Variants in SOX5 observed in about 807,000 individuals in gnomAD.
SOX5 encodes the protein SRY-box transcription factor 5, also known as transcription factor SOX-5.
A neutral mutation model predicts 92.0 loss-of-function variants in SOX5; 9 were observed. The observed-to-expected ratio is 0.10, with a 90% CI of 0.06 to 0.17. SOX5 has a LOEUF of 0.17. Ranked by LOEUF, SOX5 falls within the 10% of genes least tolerant of loss-of-function variation. The pLI is 1.00. For synonymous variants in SOX5, 344 were observed against 336.3 expected, an observed-to-expected ratio of 1.02 and a Z score of -0.25; for missense variants, 642 against 944.5, an observed-to-expected ratio of 0.68 and a Z score of 4.20.
chr12:24,070,168 G>A (rs1384820255), intron 4 of SOX5, among the ~76,000 whole-genome samples: 2 of 152,138 alleles, frequency 1.3e-5, no homozygotes, highest in Non-Finnish European at 2.9e-5. Context: ...AACAAAAGAT[G>A]CCTTTCTTTA....
chr12:24,096,198 G>A lies in SOX5; in HGVS notation c.-2+117145C>T, dbSNP rs565921388. Among the ~76,000 whole-genome samples, 7 of 152,156 alleles carry A rather than the reference G, an allele frequency of 4.6e-5. No individual in the cohort carries two copies. In the South Asian group the frequency reaches 6.2e-4, roughly 14 times the overall value. On this transcript the variant is annotated intron_variant, in intron 4 of 4. Coordinates refer to the SOX5 transcript ENST00000446891. ...TTTGTTATATAGGTATACATGTACC[G>A]TGGTGGTTTGCTGCACCCATCAACC... is the stretch of plus-strand genomic sequence containing the variant.
chr12:23,663,581 A>G (rs545240935), intron 7 of SOX5, among the ~76,000 whole-genome samples: 11 of 152,128 alleles, frequency 7.2e-5, no homozygotes, highest in Non-Finnish European at 1.3e-4. Flanking sequence ...ACTAGTCTAT[A>G]TGTATATATT....
chr12:24,292,477 T>C (rs936860514), intron 2 of SOX5, among the ~76,000 whole-genome samples: 2 of 152,234 alleles, frequency 1.3e-5, no homozygotes, highest in Admixed American at 1.3e-4. Context: ...ACATTACACT[T>C]ATGTACCTGC....
rs1367264218 is a variant in SOX5 at position 24,283,761 on chromosome 12, G to T, written c.-173-6449C>A. Among the ~76,000 whole-genome samples the T allele has an allele frequency of 2.0e-5, 3 of 151,984 alleles. No individual in the cohort carries two copies. The East Asian group carries it at 5.8e-4, about 29-fold the overall frequency. On this transcript the variant is annotated intron_variant, in intron 2 of 4. Coordinates refer to the SOX5 transcript ENST00000446891. Reference sequence around the variant, plus strand: ...TTGTGGCTGTGTATATAAAAGCTTGGGTATGTTTTTTCTTATTATTAACTA... The same window carrying T: ...TTGTGGCTGTGTATATAAAAGCTTGTGTATGTTTTTTCTTATTATTAACTA...
chr12:24,268,015 TGGATCA>T (rs1943236905), intron 3 of SOX5, among the ~76,000 whole-genome samples: 2 of 152,212 alleles, frequency 1.3e-5, no homozygotes, highest in South Asian at 4.1e-4. Flanking sequence ...CTGCCTCAAG[TGGATCA>T]GTATTGGCTA....
intron 4 of SOX5, among the ~76,000 whole-genome samples, chr12:24,055,577 G>C (rs76326813): frequency 0.014 from 2,166 of 152,222 alleles, 40 homozygotes; most frequent in African/African-American, 0.05. Context: ...TTGACCAATA[G>C]GTCTTGCTCT....
At chr12:23,951,993 T>A (rs1168546553), upstream of SOX5, among the ~76,000 whole-genome samples, 1 of 152,196 alleles carries the variant, frequency 6.6e-6, no homozygotes, top group Non-Finnish European at 1.5e-5. Context: ...CTCTAATGGA[T>A]AATGTATACA....
chr12:24,070,311 A>C (rs1180153372), intron 4 of SOX5, among the ~76,000 whole-genome samples: 2 of 152,188 alleles, frequency 1.3e-5, no homozygotes, highest in Admixed American at 6.5e-5. Context: ...TCATCTCAGA[A>C]AAATACAGAA....
intron 1 of SOX5, among the ~76,000 whole-genome samples, chr12:24,385,768 T>G (rs766929581): frequency 1.3e-5 from 2 of 151,870 alleles, no homozygotes; most frequent in Non-Finnish European, 2.9e-5. Flanking sequence ...TGAAATCTCA[T>G]GTCTACCAAA....
intron 1 of SOX5, among the ~76,000 whole-genome samples, chr12:24,470,090 T>A (rs1053115578): frequency 3.3e-5 from 5 of 152,240 alleles, no homozygotes; most frequent in African/African-American, 1.2e-4. Flanking sequence ...ACGTGAATAA[T>A]CTTAAAGCAT....
At chr12:24,075,712 G>C (rs983582246) in intron 4 of SOX5, among the ~76,000 whole-genome samples, 13 of 152,232 alleles carry the variant, frequency 8.5e-5, no homozygotes, top group Middle Eastern at 3.4e-3. Context: ...TCCTCAGCTG[G>C]ACTCTAACTG....
intron 1 of SOX5, among the ~76,000 whole-genome samples, chr12:24,372,398 C>T (rs1447553342): frequency 6.6e-6 from 1 of 152,106 alleles, no homozygotes; most frequent in African/African-American, 2.4e-5. Context: ...GCTTTCTGTT[C>T]CTGTGTTAGT....
At chr12:24,371,235 C>T (rs148105580) in intron 1 of SOX5, among the ~76,000 whole-genome samples, 4 of 152,326 alleles carry the variant, frequency 2.6e-5, no homozygotes, top group Admixed American at 6.5e-5. Context: ...CTAGGGCCTA[C>T]GGACAAGCCC....
intron 4 of SOX5, among the ~76,000 whole-genome samples, chr12:24,114,573 CAAAAAAAAAAAAAAAAAAA>C (rs55913110): frequency 2.5e-5 from 1 of 40,592 alleles, no homozygotes; most frequent in Admixed American, 4.4e-4. Context: ...CACCCCGTCA[CAAAAAAAAAAAAAAAAAAA>C]AAAAAAAAAA....
Position 23,813,126 on chromosome 12 carries a change from C to T in SOX5, c.481+32857G>A, listed in dbSNP as rs188193712. Reference sequence around the variant, plus strand: ...ATTTTAAAGTTTTCAGTGTATCGGGCATACAACAATAATTGTCACTCTATT... The same window carrying T: ...ATTTTAAAGTTTTCAGTGTATCGGGTATACAACAATAATTGTCACTCTATT... On this transcript the variant is annotated intron_variant, in intron 3 of 14. Coordinates refer to ENST00000451604, the MANE Select transcript of SOX5 (RefSeq NM_006940.6). 2.6e-5 allele frequency among the ~76,000 whole-genome samples: 4 copies of T among 152,170 alleles called. No individual in the cohort carries two copies. In the East Asian group the frequency reaches 7.7e-4, roughly 29 times the overall value.
chr12:23,739,151 A>G (rs1320339666), intron 5 of SOX5, among the ~76,000 whole-genome samples: 1 of 152,202 alleles, frequency 6.6e-6, no homozygotes, highest in Non-Finnish European at 1.5e-5. Context: ...AGACACACGA[A>G]TATTAAATAG....
chr12:23,706,785 T>C (rs1047841805), intron 6 of SOX5, among the ~76,000 whole-genome samples: 2 of 152,042 alleles, frequency 1.3e-5, no homozygotes, highest in South Asian at 2.1e-4. Context: ...TAAAGTGTTA[T>C]AGTGGCATTT....
intron 6 of SOX5, among the ~76,000 whole-genome samples, chr12:23,713,280 G>T (rs996291091): frequency 1.1e-4 from 17 of 152,162 alleles, no homozygotes; most frequent in African/African-American, 3.9e-4. Flanking sequence ...AGAGCCTCCA[G>T]AAGGAATAAA....
intron 1 of SOX5, among the ~76,000 whole-genome samples, chr12:24,517,331 C>G (rs1402103195): frequency 6.6e-6 from 1 of 152,144 alleles, no homozygotes; most frequent in Non-Finnish European, 1.5e-5. Flanking sequence ...GCCCCTAATA[C>G]AGGAGGGGCA....
Sources: allele counts gnomAD v4.1 joint callset (sites outside exome capture counted in the v4.1 genomes callset), GRCh38; gene constraint gnomAD v4.1.1; transcripts MANE v1.5; gene names NCBI Gene and HGNC (gene_info 2026-07-23, HGNC 2026-07-21).